MCHR2: variants seen among roughly 807,000 people sequenced by gnomAD.
MCHR2 encodes the protein melanin concentrating hormone receptor 2.
In MCHR2, 15 loss-of-function variants were observed where a neutral mutation model predicts 24.8. That is an observed-to-expected ratio of 0.60 (90% CI 0.40 to 0.93). MCHR2 has a LOEUF of 0.93. Among genes scored for constraint, MCHR2 ranks in the 40% least tolerant of loss-of-function variants. MCHR2 has a pLI of 0.00. For missense variants in MCHR2, 386 were observed against 408.7 expected, an observed-to-expected ratio of 0.94 and a Z score of 0.48; for synonymous variants, 151 against 147.6, an observed-to-expected ratio of 1.02 and a Z score of -0.17.
At chr6:99,931,132 C>T (rs9403239) in intron 5 of MCHR2, among the ~76,000 whole-genome samples, 49,054 of 152,062 alleles carry the variant, frequency 0.32, 8,362 homozygotes, top group Admixed American at 0.42. Flanking sequence ...GTACCAGCAG[C>T]GGTGGCTGCA....
intron 1 of MCHR2, among the ~76,000 whole-genome samples, chr6:99,957,379 G>C (rs986327075): frequency 6.6e-6 from 1 of 152,058 alleles, no homozygotes; most frequent in Non-Finnish European, 1.5e-5. Context: ...CATCAATTGA[G>C]AGAGAGATGT....
chr6:99,954,424 AC>A (rs1469174725), intron 2 of MCHR2, among the ~76,000 whole-genome samples: 1 of 152,086 alleles, frequency 6.6e-6, no homozygotes, highest in Non-Finnish European at 1.5e-5. Flanking sequence ...AAAATCTGAA[AC>A]TTTTTGAGGA....
chr6:99,991,820 A>AAAAAAG (rs1225877849), intron 1 of MCHR2, among the ~76,000 whole-genome samples: 2 of 151,508 alleles, frequency 1.3e-5, no homozygotes, highest in African/African-American at 4.8e-5. Flanking sequence ...AAAAAAAAAA[A>AAAAAAG]AAAAAAGAAA....
chr6:99,946,075 T>C (rs1445877831), intron 3 of MCHR2, among the ~76,000 whole-genome samples: 2 of 151,900 alleles, frequency 1.3e-5, no homozygotes, highest in African/African-American at 4.8e-5. Context: ...GCACAGTATA[T>C]AAAGAAGCTC....
chr6:99,989,237 G>A (rs1381927992), intron 1 of MCHR2, among the ~76,000 whole-genome samples: 3 of 152,076 alleles, frequency 2.0e-5, no homozygotes, highest in Admixed American at 1.3e-4. Flanking sequence ...GGGCGACAGA[G>A]CATGACCCTG....
chr6:99,937,041 AT>A (rs1013412870), intron 4 of MCHR2, among the ~76,000 whole-genome samples: 2 of 151,832 alleles, frequency 1.3e-5, no homozygotes, highest in Admixed American at 1.3e-4. Flanking sequence ...AATGCTATTG[AT>A]TTTTATACAT....
intron 1 of MCHR2, among the ~76,000 whole-genome samples, chr6:99,987,447 C>T (rs1775790293): frequency 6.6e-6 from 1 of 152,056 alleles, no homozygotes; most frequent in African/African-American, 2.4e-5. Flanking sequence ...CATCCAAATC[C>T]CCACCCTTGC....
intron 1 of MCHR2, among the ~76,000 whole-genome samples, chr6:99,978,034 A>G (rs746426943): frequency 5.9e-5 from 9 of 152,308 alleles, no homozygotes; most frequent in Non-Finnish European, 8.8e-5. Flanking sequence ...TTAAGAATCA[A>G]TATAAACAGG....
chr6:99,943,832 G>A (rs1295253641), intron 3 of MCHR2, among the ~76,000 whole-genome samples: 1 of 152,124 alleles, frequency 6.6e-6, no homozygotes, highest in Non-Finnish European at 1.5e-5. Flanking sequence ...TCCTATAAAC[G>A]AAACTCTGGA....
intron 1 of MCHR2, among the ~76,000 whole-genome samples, chr6:99,979,214 G>A (rs1775619073): frequency 6.6e-6 from 1 of 152,194 alleles, no homozygotes; most frequent in Non-Finnish European, 1.5e-5. Flanking sequence ...GGAACACAGA[G>A]GGTCTCTAAT....
chr6:99,955,950 AG>A lies in MCHR2; in HGVS notation c.182+15del. 2 of 1,484,470 alleles carry A rather than the reference AG, an allele frequency of 1.3e-6. No individual in the cohort carries two copies. The highest frequency in any genetic ancestry group is 2.4e-5 in the East Asian group (1 of 41,252). The allele number at this position is 1,484,470 out of a possible 1,614,324, so 92.0% of individuals were successfully genotyped here. On this transcript the variant is annotated intron_variant, in intron 2 of 5. Transcript: ENST00000281806. ...AAGTATGGAAGGAAAAAAAAAAAAA[AG>A]GAGCCATTCCTTACCTTATTATAGT...
At chr6:99,939,602 G>A (rs1774732963) in intron 4 of MCHR2, among the ~76,000 whole-genome samples, 1 of 151,844 alleles carries the variant, frequency 6.6e-6, no homozygotes, top group Admixed American at 6.6e-5. Flanking sequence ...AATTATGAGT[G>A]GATTATACAC....
chr6:99,945,395 G>A (rs1774856383), intron 3 of MCHR2, among the ~76,000 whole-genome samples: 1 of 152,148 alleles, frequency 6.6e-6, no homozygotes, highest in Non-Finnish European at 1.5e-5. Context: ...TTCATTTGAA[G>A]GCAAACATTT....
Position 99,919,707 on chromosome 6 carries a change from T to C in MCHR2, c.*1233A>G, listed in dbSNP as rs1289757653. On this transcript the variant is annotated 3_prime_UTR_variant, in exon 6 of 6. Coordinates refer to ENST00000281806, the MANE Select transcript of MCHR2 (RefSeq NM_001040179.2). ...TGTATACTGTAACCAAAAGGGAATG[T>C]TTCTTGTTTTTTTTTTTGTTTGTTT... is the stretch of plus-strand genomic sequence containing the variant. 6.6e-6 allele frequency among the ~76,000 whole-genome samples: 1 copy of C among 150,486 alleles called. No individual in the cohort carries two copies. Among genetic ancestry groups the C allele is most frequent in the Non-Finnish European group, 1.5e-5 (1 of 67,746 alleles).
chr6:99,969,700 T>C (rs1775363299), intron 1 of MCHR2, among the ~76,000 whole-genome samples: 1 of 140,166 alleles, frequency 7.1e-6, no homozygotes, highest in Non-Finnish European at 1.5e-5. Flanking sequence ...GTATATCTCC[T>C]ATCCCTCCCC....
chr6:99,932,746 G>C (rs1458490001), intron 5 of MCHR2, among the ~76,000 whole-genome samples: 1 of 152,184 alleles, frequency 6.6e-6, no homozygotes, highest in African/African-American at 2.4e-5. Flanking sequence ...TAAGGAAAGA[G>C]TGAGAAACTC....
At chr6:99,974,739 G>T (rs1428382219) in intron 1 of MCHR2, among the ~76,000 whole-genome samples, 2 of 152,096 alleles carry the variant, frequency 1.3e-5, no homozygotes, top group Admixed American at 6.6e-5. Context: ...AGGGTTTTTG[G>T]TGTGTACTTC....
At position 99,956,081 on chromosome 6, in the gene MCHR2, C is replaced by T. The variant is rs201596484; in HGVS notation, c.67G>A (p.Glu23Lys). The part of the protein sequence containing the change: ...AELLNKSWNK[E>K]FAYQTASVVD... ...ACACTGGCAGTTTGATAAGCAAACT[C>T]TTTATTCCAGGATTTGTTTAAAAGT... The change falls in exon 2 of 6, where the codon GAG becomes AAG. Residue 23 changes from glutamate (E) to lysine (K), a missense_variant. Physicochemically the swap from Glu to Lys is moderately conservative, Grantham distance 56. Transcript: ENST00000281806. 7 of 1,613,426 alleles carry T rather than the reference C, an allele frequency of 4.3e-6. No individual in the cohort carries two copies. The highest frequency in any genetic ancestry group is 5.1e-6 in the Non-Finnish European group (6 of 1,179,584).
Position 99,921,186 on chromosome 6 carries a change from G to T in MCHR2, c.777C>A (p.Val259=), listed in dbSNP as rs768357570. ...LTKMVLVLVV[V]FILSAAPYHV... is the part of the protein sequence containing the mutation. ...GATAAGGGGCAGCACTCAGGATAAA[G>T]ACTACCACCAGCACCAGCACCATCT... Residue 259 remains valine, a synonymous_variant, in exon 6 of 6, where the codon GTC becomes GTA. Transcript: ENST00000281806. 6.2e-7 allele frequency: 1 copy of T among 1,614,000 alleles called. No individual in the cohort carries two copies. The highest frequency in any genetic ancestry group is 1.3e-5 in the African/African-American group (1 of 74,920).
Sources: allele counts gnomAD v4.1 joint callset (sites outside exome capture counted in the v4.1 genomes callset), GRCh38; gene constraint gnomAD v4.1.1; transcripts MANE v1.5; gene names NCBI Gene and HGNC (gene_info 2026-07-23, HGNC 2026-07-21).